The following CLRN1 variants were observed in gnomAD, a reference collection of about 807,000 sequenced individuals.
The protein encoded by CLRN1 is clarin-1.
Under a neutral mutation model 18.7 loss-of-function variants are expected in CLRN1, and 15 were observed. The observed-to-expected ratio is 0.80, with a 90% CI of 0.54 to 1.23. The LOEUF is 1.23. CLRN1 is among the 50% of genes most tolerant of loss of function. CLRN1 has a pLI of 0.00. For missense variants in CLRN1, 311 were observed against 277.5 expected, an observed-to-expected ratio of 1.12 and a Z score of -0.86; for synonymous variants, 104 against 102.9, an observed-to-expected ratio of 1.01 and a Z score of -0.07.
chr3:150,928,238 T>A (rs1712940157), intron 2 of CLRN1, 37 bp from the exon 3 acceptor site: 1 of 1,612,328 alleles, frequency 6.2e-7, no homozygotes, highest in African/African-American at 1.3e-5. Context: ...GACAAATATT[T>A]CCTGATTGTA....
Position 150,926,796 on chromosome 3 carries a change from C to T in CLRN1, c.*1140G>A, listed in dbSNP as rs368214309. Reference sequence around the variant, plus strand: ...GTTTGCTGTCATTCTCTGCTTTTTCCTTGGTGCTTTCTGGAGGACAGCAGG... The same window carrying T: ...GTTTGCTGTCATTCTCTGCTTTTTCTTTGGTGCTTTCTGGAGGACAGCAGG... On this transcript the variant is annotated 3_prime_UTR_variant, in exon 3 of 3. Transcript: ENST00000327047. The T allele has an allele frequency of 3.9e-4, 636 of 1,613,904 alleles. 10 individuals carry two copies. The South Asian group carries it at 6.5e-3, about 16-fold the overall frequency.
At chr3:150,945,866 T>C (rs1477147396) in intron 1 of CLRN1, among the ~76,000 whole-genome samples, 3 of 152,214 alleles carry the variant, frequency 2.0e-5, no homozygotes, top group East Asian at 1.9e-4. Flanking sequence ...GGGCAATCTA[T>C]AAAGCATTAA....
intron 1 of CLRN1, among the ~76,000 whole-genome samples, chr3:150,969,011 TA>T: frequency 1.3e-5 from 2 of 151,064 alleles, no homozygotes. Context: ...CTCTGCTCCA[TA>T]AAACCACACA....
At chr3:150,966,552 G>GTTT (rs1715270742) in intron 1 of CLRN1, among the ~76,000 whole-genome samples, 1 of 151,972 alleles carries the variant, frequency 6.6e-6, no homozygotes, top group Non-Finnish European at 1.5e-5. Context: ...CATTTATTTC[G>GTTT]GTATTTGTGG....
At chr3:150,945,482 C>A in intron 1 of CLRN1, 1 of 1,282,370 alleles carries the variant, frequency 7.8e-7, no homozygotes, top group Non-Finnish European at 1.0e-6. Flanking sequence ...TCAGAACAAG[C>A]CCTTTGCCAC....
chr3:150,938,675 C>T (rs115147052), intron 2 of CLRN1, among the ~76,000 whole-genome samples: 4 of 152,262 alleles, frequency 2.6e-5, no homozygotes, highest in East Asian at 1.9e-4. Flanking sequence ...AAAACACTGG[C>T]CTTTATCCTC....
chr3:150,972,438 A>G lies in CLRN1; in HGVS notation c.253+18T>C. 1 of 1,614,144 alleles carries G rather than the reference A, an allele frequency of 6.2e-7. No individual in the cohort carries two copies. Among genetic ancestry groups the G allele is most frequent in the Non-Finnish European group, 8.5e-7 (1 of 1,180,018 alleles). Reference sequence around the variant, plus strand: ...TCTGCCTAAAGCATTAAATAACTCAAATGCAATTGCTACTTACATGAGAAC... The same window carrying G: ...TCTGCCTAAAGCATTAAATAACTCAGATGCAATTGCTACTTACATGAGAAC... On this transcript the variant is annotated intron_variant, in intron 1 of 2. Coordinates refer to ENST00000327047, the MANE Select transcript of CLRN1 (RefSeq NM_174878.3).
At chr3:150,931,608 T>G (rs1318973398) in intron 2 of CLRN1, among the ~76,000 whole-genome samples, 1 of 152,196 alleles carries the variant, frequency 6.6e-6, no homozygotes, top group Non-Finnish European at 1.5e-5. Context: ...AGAGGCATGG[T>G]CAGAGCTTGG....
At chr3:150,942,602 G>A in intron 1 of CLRN1, 2 of 455,536 alleles carry the variant, frequency 4.4e-6, no homozygotes, top group Non-Finnish European at 8.8e-6. Context: ...CATAAAACAA[G>A]ATGGACAAGA....
At chr3:150,950,171 T>A (rs1392142708) in intron 1 of CLRN1, among the ~76,000 whole-genome samples, 1 of 152,134 alleles carries the variant, frequency 6.6e-6, no homozygotes, top group African/African-American at 2.4e-5. Flanking sequence ...TCAAGATGGA[T>A]TAAAGATTTA....
chr3:150,928,570 C>T (rs373057440), intron 2 of CLRN1, among the ~76,000 whole-genome samples: 64 of 152,290 alleles, frequency 4.2e-4, no homozygotes, highest in African/African-American at 1.5e-3. Flanking sequence ...ACAAAGCAGC[C>T]ACTGCTATGA....
chr3:150,937,309 C>T (rs1223839330), intron 2 of CLRN1, among the ~76,000 whole-genome samples: 1 of 152,150 alleles, frequency 6.6e-6, no homozygotes, highest in Non-Finnish European at 1.5e-5. Context: ...GTGGGATCAC[C>T]AGTGCCTATT....
chr3:150,944,043 A>G (rs1714021211), intron 1 of CLRN1: 2 of 884,150 alleles, frequency 2.3e-6, no homozygotes, highest in East Asian at 2.7e-5. Context: ...ATGGAGAAAT[A>G]AAATAGGGTA....
intron 1 of CLRN1, among the ~76,000 whole-genome samples, chr3:150,951,748 T>C (rs1244017105): frequency 6.6e-6 from 1 of 152,060 alleles, no homozygotes; most frequent in African/African-American, 2.4e-5. Context: ...ACAATCATGG[T>C]GGAAGGCAAA....
intron 1 of CLRN1, among the ~76,000 whole-genome samples, chr3:150,970,436 T>TGG (rs1200935370): frequency 6.6e-6 from 1 of 151,916 alleles, no homozygotes; most frequent in African/African-American, 2.4e-5. Flanking sequence ...TTATCCTCTT[T>TGG]GGGGAGTCCA....
chr3:150,950,059 A>C (rs538893115), intron 1 of CLRN1, among the ~76,000 whole-genome samples: 1 of 152,246 alleles, frequency 6.6e-6, no homozygotes, highest in African/African-American at 2.4e-5. Flanking sequence ...CAAGCAACGG[A>C]GGAGATACTC....
chr3:150,947,459 G>A (rs1714238542), intron 1 of CLRN1, among the ~76,000 whole-genome samples: 1 of 152,148 alleles, frequency 6.6e-6, no homozygotes, highest in Admixed American at 6.5e-5. Flanking sequence ...AATAGTAGTA[G>A]GAGACTTCAG....
Position 150,941,622 on chromosome 3 carries a change from C to A in CLRN1, c.393G>T (p.Leu131=), listed in dbSNP as rs148774268. The A allele has an allele frequency of 1.4e-5, 22 of 1,613,906 alleles. No individual in the cohort carries two copies. The highest frequency in any genetic ancestry group is 1.9e-5 in the Non-Finnish European group (22 of 1,179,944). The change falls in exon 2 of 3, where the codon CTG becomes CTT. Residue 131 remains leucine, a synonymous_variant. Coordinates refer to ENST00000327047, the MANE Select transcript of CLRN1 (RefSeq NM_174878.3). ...AAAGGTACAGCCCTAGGGGACCATGCAGAGTTTCAAAAGGTTTTCCAAAAG... is the reference window on the plus strand; with the variant it reads ...AAAGGTACAGCCCTAGGGGACCATGAAGAGTTTCAAAAGGTTTTCCAAAAG... ...YNAFGKPFET[L]HGPLGLYLLS... is the part of the protein sequence containing the mutation.
At chr3:150,938,521 C>A (rs1424443008) in intron 2 of CLRN1, among the ~76,000 whole-genome samples, 1 of 152,150 alleles carries the variant, frequency 6.6e-6, no homozygotes, top group Non-Finnish European at 1.5e-5. Flanking sequence ...CCAAAGTGAC[C>A]TGTTTATCCC....
Sources: gnomAD v4.1 joint callset for allele counts (sites outside exome capture counted in the v4.1 genomes callset) on GRCh38, gnomAD v4.1.1 for gene constraint, MANE v1.5 for transcripts, NCBI Gene and HGNC (gene_info 2026-07-23, HGNC 2026-07-21) for gene names.